RFC1: variants seen among roughly 807,000 people sequenced by gnomAD.
The protein encoded by RFC1 is replication factor C subunit 1, also known as A1 140 kDa subunit.
RFC1 carries 37 observed loss-of-function variants against 137.4 expected under a neutral mutation model. That is an observed-to-expected ratio of 0.27 (90% CI 0.21 to 0.35). The LOEUF is 0.35. Among genes scored for constraint, RFC1 ranks in the 10% least tolerant of loss-of-function variants. The pLI, the probability that RFC1 is intolerant of heterozygous loss-of-function variation, is 1.00. For missense variants in RFC1, 1,205 were observed against 1,358.5 expected, an observed-to-expected ratio of 0.89 and a Z score of 1.78; for synonymous variants, 429 against 455.7, an observed-to-expected ratio of 0.94 and a Z score of 0.75.
chr4:39,348,444 G>GAAAAGAAAAGAAAAGAAAAGAA (rs1560620030), intron 2 of RFC1, among the ~76,000 whole-genome samples: 11 of 127,428 alleles, frequency 8.6e-5, no homozygotes, highest in African/African-American at 3.0e-4. Flanking sequence ...GAAAAGAAAA[G>GAAAAGAAAAGAAAAGAAAAGAA]AAAAGAAAAG....
chr4:39,363,527 T>C (rs951926312), intron 1 of RFC1, among the ~76,000 whole-genome samples: 2 of 152,174 alleles, frequency 1.3e-5, no homozygotes, highest in African/African-American at 4.8e-5. Context: ...TTGATAACTT[T>C]TAATTGGAAT....
At chr4:39,304,576 T>C (rs1738536235) in intron 15 of RFC1, among the ~76,000 whole-genome samples, 1 of 152,162 alleles carries the variant, frequency 6.6e-6, no homozygotes, top group South Asian at 2.1e-4. Flanking sequence ...TCTAAAATCA[T>C]GAAAAACGAA....
Position 39,299,610 on chromosome 4 carries a change from CAAAAAAAA to C in RFC1, c.2808+403_2808+410del, listed in dbSNP as rs970461214. Among the ~76,000 whole-genome samples the C allele has an allele frequency of 5.4e-4, 22 of 40,494 alleles. No individual in the cohort carries two copies. The East Asian group carries it at 0.012, about 21-fold the overall frequency. 26.6% of individuals were successfully genotyped at this position (40,494 alleles called of 152,430 possible). A position where few individuals can be genotyped will look rare whatever the true frequency, so the allele number is the denominator to read the frequency against. On this transcript the variant is annotated intron_variant, in intron 21 of 24. Coordinates refer to ENST00000349703, the MANE Select transcript of RFC1 (RefSeq NM_002913.5). ...CCTGGGCAACACAGCAACACTGTCT[CAAAAAAAA>C]AAAAAAAAAAAGAAAGAAAGAAAAA...
At chr4:39,320,078 G>A (rs953317923) in intron 9 of RFC1, among the ~76,000 whole-genome samples, 5 of 152,144 alleles carry the variant, frequency 3.3e-5, no homozygotes, top group Non-Finnish European at 7.4e-5. Context: ...GGCCGGGCGC[G>A]GTGGCTCACA....
intron 2 of RFC1, among the ~76,000 whole-genome samples, chr4:39,349,012 TCTA>T (rs1450851879): frequency 2.6e-5 from 4 of 152,252 alleles, no homozygotes; most frequent in African/African-American, 7.2e-5. Context: ...ATATGTCTGT[TCTA>T]CTATCATATT....
At chr4:39,310,446 C>A (rs979218296) in intron 12 of RFC1, among the ~76,000 whole-genome samples, 1 of 152,228 alleles carries the variant, frequency 6.6e-6, no homozygotes, top group African/African-American at 2.4e-5. Context: ...CCCTAGATTT[C>A]TCTAACCGGA....
chr4:39,296,424 C>T (rs1388516664), intron 21 of RFC1, among the ~76,000 whole-genome samples: 1 of 102,970 alleles, frequency 9.7e-6, no homozygotes, highest in African/African-American at 3.7e-5. Flanking sequence ...CACCACAGTC[C>T]CCAGAGTGTG....
At chr4:39,304,493 G>T (rs1485777381) in intron 15 of RFC1, among the ~76,000 whole-genome samples, 1 of 152,024 alleles carries the variant, frequency 6.6e-6, no homozygotes, top group African/African-American at 2.4e-5. Flanking sequence ...AAGGTAATGA[G>T]GTAATAAGTC....
intron 1 of RFC1, among the ~76,000 whole-genome samples, chr4:39,357,813 T>G (rs1741557370): frequency 6.6e-6 from 1 of 151,288 alleles, no homozygotes. Context: ...GGGACAGGGT[T>G]TCACTATGTT....
intron 4 of RFC1, among the ~76,000 whole-genome samples, chr4:39,331,816 T>G (rs1334122827): frequency 6.6e-6 from 1 of 152,166 alleles, no homozygotes; most frequent in Non-Finnish European, 1.5e-5. Flanking sequence ...ATTAACAATT[T>G]TTATCTCTGA....
chr4:39,333,874 A>T (rs1482644787), intron 4 of RFC1, among the ~76,000 whole-genome samples: 5 of 152,170 alleles, frequency 3.3e-5, no homozygotes, highest in Non-Finnish European at 7.4e-5. Context: ...TTAATTACAC[A>T]TGGCTCTCCA....
intron 22 of RFC1, chr4:39,292,071 A>G: frequency 1.9e-6 from 1 of 524,216 alleles, no homozygotes; most frequent in Non-Finnish European, 3.4e-6. Context: ...GAAATTTTCT[A>G]CTTACCTACA....
chr4:39,290,024 T>C lies in RFC1; in HGVS notation c.3184A>G (p.Thr1062Ala). 2 of 1,612,746 alleles carry C rather than the reference T, an allele frequency of 1.2e-6. No homozygotes were observed. The highest frequency in any genetic ancestry group is 2.7e-5 in the African/African-American group (2 of 74,954). ...TGGGCTTCCTTATTGTAAGCTCTTG[T>C]GAAGGCTGCTTTCACCTATATGAAA... ...KLDPKVKAAF[T>A]RAYNKEAHLT... Residue 1062 changes from threonine to alanine, a missense_variant, in exon 24 of 25, where the codon ACA becomes GCA. Physicochemically the swap from Thr to Ala is moderately conservative, Grantham distance 58 (BLOSUM62 0). Coordinates refer to ENST00000349703, the MANE Select transcript of RFC1 (RefSeq NM_002913.5).
At chr4:39,291,518 G>C in intron 23 of RFC1, 121 bp downstream of exon 23, 2 of 699,332 alleles carry the variant, frequency 2.9e-6, no homozygotes, top group East Asian at 5.3e-5. Flanking sequence ...GCCATAAGAA[G>C]CAACAAGCAT....
chr4:39,295,381 T>C (rs1280652555), intron 22 of RFC1, among the ~76,000 whole-genome samples: 1 of 152,190 alleles, frequency 6.6e-6, no homozygotes, highest in East Asian at 1.9e-4. Flanking sequence ...AATTATGACA[T>C]CTACCATTTT....
chr4:39,300,952 G>T (rs190493962), intron 19 of RFC1, among the ~76,000 whole-genome samples: 1 of 151,944 alleles, frequency 6.6e-6, no homozygotes, highest in Non-Finnish European at 1.5e-5. Context: ...AATTGGCCAG[G>T]TGTGGTGGCA....
rs540748003 is a variant in RFC1, at chr4:39,345,398, T to C, written c.208+3A>G. 6.2e-7 allele frequency: 1 copy of C among 1,612,456 alleles called. No homozygotes were observed. The highest frequency in any genetic ancestry group is 1.3e-5 in the African/African-American group (1 of 74,998). On this transcript the variant is annotated splice_donor_region_variant and intron_variant, in intron 3 of 24. Coordinates refer to ENST00000349703, the MANE Select transcript of RFC1 (RefSeq NM_002913.5). Reference sequence around the variant, plus strand: ...TTTAAAGCTCCTCAGAAGAAATTATTACCTGAATCATAGATGATCCTCTTT... The same window carrying C: ...TTTAAAGCTCCTCAGAAGAAATTATCACCTGAATCATAGATGATCCTCTTT...
At chr4:39,291,569 C>A in intron 23 of RFC1, 70 bp downstream of exon 23, 2 of 1,087,664 alleles carry the variant, frequency 1.8e-6, no homozygotes, top group Non-Finnish European at 2.8e-6. Flanking sequence ...ATCTAAAACA[C>A]CTCCGAAGTA....
In RFC1 at chr4:39,288,674, C is replaced by T; in HGVS notation, c.*87G>A. Reference sequence around the variant, plus strand: ...ATCCCATTATGCTAAAACATGGTTGCTCTGGGAAAAAACAAGGCTTTCTCT... The same window carrying T: ...ATCCCATTATGCTAAAACATGGTTGTTCTGGGAAAAAACAAGGCTTTCTCT... On this transcript the variant is annotated 3_prime_UTR_variant, in exon 25 of 25. Coordinates refer to ENST00000349703, the MANE Select transcript of RFC1 (RefSeq NM_002913.5). The T allele has an allele frequency of 2.4e-6, 2 of 825,376 alleles. No homozygotes were observed. The highest frequency in any genetic ancestry group is 4.1e-6 in the Non-Finnish European group (2 of 488,424). The allele number at this position is 825,376 out of a possible 1,614,324, so 51.1% of individuals were successfully genotyped here.
Sources: gnomAD v4.1 joint callset for allele counts (sites outside exome capture counted in the v4.1 genomes callset) on GRCh38, gnomAD v4.1.1 for gene constraint, MANE v1.5 for transcripts, NCBI Gene and HGNC (gene_info 2026-07-23, HGNC 2026-07-21) for gene names.